Variants in UTRN observed in about 807,000 individuals in gnomAD.
UTRN encodes dystrophin-related protein 1.
A neutral mutation model predicts 463.9 loss-of-function variants in UTRN; 283 were observed. The observed-to-expected ratio is 0.61, with a 90% CI of 0.55 to 0.67. UTRN has a LOEUF of 0.67. Among genes scored for constraint, UTRN ranks in the 30% least tolerant of loss-of-function variants. The probability of loss-of-function intolerance (pLI) is 0.00; values close to 1 mark genes in which losing one functional copy is unlikely to be tolerated. For missense variants in UTRN, 3,922 were observed against 4,084.3 expected (o/e 0.96, Z 1.08); for synonymous variants, 1,442 against 1,431.5 (o/e 1.01, Z -0.17).
intron 53 of UTRN, among the ~76,000 whole-genome samples, chr6:144,723,849 G>T (rs1787494797): frequency 6.6e-6 from 1 of 151,068 alleles, no homozygotes; most frequent in Middle Eastern, 3.4e-3. Context: ...AAAAACGTAT[G>T]TAAAAAAAAA....
At chr6:144,327,002 G>A (rs576674885) in intron 2 of UTRN, among the ~76,000 whole-genome samples, 22 of 152,278 alleles carry the variant, frequency 1.4e-4, no homozygotes, top group African/African-American at 5.1e-4. Flanking sequence ...GTTGATGCTC[G>A]TCTGGTGGAT....
intron 2 of UTRN, chr6:144,333,142 T>C (rs1014292373): frequency 1.1e-4 from 16 of 152,218 alleles, no homozygotes; most frequent in African/African-American, 3.9e-4. Flanking sequence ...GGTTTTGTCA[T>C]GTTGGCCAGG....
intron 58 of UTRN, among the ~76,000 whole-genome samples, chr6:144,764,823 A>AT (rs978001869): frequency 6.6e-6 from 1 of 152,188 alleles, no homozygotes; most frequent in Non-Finnish European, 1.5e-5. Context: ...TAAAGTAGTA[A>AT]TTTTTTTTAA....
rs1012373236 is a variant in UTRN, at chr6:144,438,834, T to C, written c.1331T>C (p.Met444Thr). 1.9e-6 allele frequency: 3 copies of C among 1,614,206 alleles called. No individual in the cohort carries two copies. The highest frequency in any genetic ancestry group is 1.6e-4 in the Middle Eastern group (1 of 6,062). The change falls in exon 12 of 75, where the codon ATG (methionine) becomes ACG (threonine). Residue 444 changes from methionine (M) to threonine (T), a missense_variant. Met to Thr is a moderately conservative substitution (Grantham distance 81, BLOSUM62 -1). This residue lies in a region of UTRN where 2,349 missense variants were observed against 2,303.8 expected (regional missense o/e 1.02). Transcript: ENST00000367545. ...LTLTEERIQK[M>T]ETCPLDDDVK... The stretch of plus-strand genomic sequence containing the variant: ...CTCACAGAGGAGCGCATTCAGAAGA[T>C]GGAAACTTGCCCCCTGGATGATGAT...
chr6:144,573,698 G>GAATAAAATAA (rs148232067), intron 50 of UTRN, among the ~76,000 whole-genome samples: 2,734 of 150,068 alleles, frequency 0.018, 93 homozygotes, highest in African/African-American at 0.063. Context: ...TCCATCTCTA[G>GAATAAAATAA]AATAAAATAA....
intron 65 of UTRN, among the ~76,000 whole-genome samples, chr6:144,805,322 A>T (rs1778051126): frequency 6.6e-6 from 1 of 152,206 alleles, no homozygotes; most frequent in African/African-American, 2.4e-5. Flanking sequence ...GTTGTTATAC[A>T]TTGCAGTAAG....
Position 144,533,312 on chromosome 6 carries a change from G to A in UTRN, c.6233+52G>A, listed in dbSNP as rs771223668. 9 of 1,580,906 alleles carry A rather than the reference G, an allele frequency of 5.7e-6. No individual in the cohort carries two copies. The East Asian group carries it at 1.6e-4, about 28-fold the overall frequency. ...CACAGGAGTGAACATATTTTGGATA[G>A]AATCTTTTAAGATGCAATCTAATGA... On this transcript the variant is annotated intron_variant, in intron 43 of 74. Coordinates refer to ENST00000367545, the MANE Select transcript of UTRN (RefSeq NM_007124.3).
intron 51 of UTRN, among the ~76,000 whole-genome samples, chr6:144,636,629 G>T (rs950899700): frequency 6.6e-6 from 1 of 152,210 alleles, no homozygotes; most frequent in African/African-American, 2.4e-5. Context: ...TTTAGCAGCA[G>T]AAGTATTCTT....
At chr6:144,430,406 A>T (rs1022064388) in intron 9 of UTRN, among the ~76,000 whole-genome samples, 1 of 152,170 alleles carries the variant, frequency 6.6e-6, no homozygotes, top group Non-Finnish European at 1.5e-5. Context: ...AATTCATAAG[A>T]TGAGAGAATC....
At position 144,499,278 on chromosome 6, in the gene UTRN, C is replaced by T; in HGVS notation, c.4615C>T (p.Leu1539=). The T allele has an allele frequency of 6.2e-7, 1 of 1,612,328 alleles. No homozygotes were observed. The change falls in exon 34 of 75, where the codon CTG becomes TTG. Residue 1539 remains leucine, a synonymous_variant. Transcript: ENST00000367545. ...TCAGGTGACAGAAGGAAAACAGGAT[C>T]TGGAAAGAGCATCACAGTTGGCCCG... ...GAQVTEGKQD[L]ERASQLARKM...
intron 2 of UTRN, among the ~76,000 whole-genome samples, chr6:144,302,232 C>T (rs113460054): frequency 0.045 from 6,788 of 152,204 alleles, 482 homozygotes; most frequent in African/African-American, 0.15. Flanking sequence ...GACTTGTGGC[C>T]GTGTGCAGTG....
At chr6:144,658,583 A>C (rs1186034760) in intron 51 of UTRN, among the ~76,000 whole-genome samples, 1 of 152,228 alleles carries the variant, frequency 6.6e-6, no homozygotes, top group Non-Finnish European at 1.5e-5. Context: ...AAAAAAAGTA[A>C]ACTTACTTAT....
intron 2 of UTRN, among the ~76,000 whole-genome samples, chr6:144,349,062 C>T (rs574843981): frequency 1.2e-4 from 18 of 151,948 alleles, no homozygotes; most frequent in Admixed American, 3.9e-4. Flanking sequence ...CAGGCTGGAG[C>T]GCGTGATGGG....
intron 2 of UTRN, among the ~76,000 whole-genome samples, chr6:144,329,365 GGCACC>G (rs1776188058): frequency 1.3e-5 from 2 of 152,258 alleles, no homozygotes; most frequent in East Asian, 1.9e-4. Context: ...ACAGATATGA[GGCACC>G]GCACCCAGCC....
chr6:144,503,392 T>C (rs913683081), intron 34 of UTRN, among the ~76,000 whole-genome samples: 1 of 152,218 alleles, frequency 6.6e-6, no homozygotes, highest in Non-Finnish European at 1.5e-5. Context: ...GGTCTTACGT[T>C]TAAGTCTTTA....
chr6:144,813,088 T>C (rs1434972926), intron 65 of UTRN, among the ~76,000 whole-genome samples: 2 of 152,188 alleles, frequency 1.3e-5, no homozygotes, highest in Non-Finnish European at 2.9e-5. Context: ...TATGTGCTTG[T>C]TGAAAATCAG....
chr6:144,449,357 T>G (rs1269377137), intron 17 of UTRN, among the ~76,000 whole-genome samples: 1 of 152,198 alleles, frequency 6.6e-6, no homozygotes, highest in African/African-American at 2.4e-5. Flanking sequence ...TTTCCACTTC[T>G]CTTCCCCTGG....
At chr6:144,761,467 C>A (rs1222731921) in intron 58 of UTRN, among the ~76,000 whole-genome samples, 1 of 151,876 alleles carries the variant, frequency 6.6e-6, no homozygotes, top group Non-Finnish European at 1.5e-5. Flanking sequence ...CCAGCCTGAG[C>A]AACATGACAA....
In UTRN at chr6:144,482,313, G is replaced by A. The variant is rs780713001; in HGVS notation, c.3612G>A (p.Thr1204=). 5.5e-5 allele frequency: 88 copies of A among 1,607,568 alleles called. No individual in the cohort carries two copies. The highest frequency in any genetic ancestry group is 3.5e-4 in the South Asian group (31 of 89,278). Reference sequence around the variant, plus strand: ...TGCCCTCTGGTGGCCAGGAGTTGACGTCTGAGCTGAATGTTGTGCTGGAGA... The same window carrying A: ...TGCCCTCTGGTGGCCAGGAGTTGACATCTGAGCTGAATGTTGTGCTGGAGA... ...AKVPSGGQEL[T]SELNVVLENY... Residue 1204 remains threonine, a synonymous_variant, in exon 27 of 75, where the codon ACG becomes ACA. Transcript: ENST00000367545.
Sources: allele counts gnomAD v4.1 joint callset (sites outside exome capture counted in the v4.1 genomes callset), GRCh38; gene constraint gnomAD v4.1.1; regional missense constraint gnomAD v4.1.1; transcripts MANE v1.5; gene names NCBI Gene and HGNC (gene_info 2026-07-23, HGNC 2026-07-21).